The following PTPRD variants were observed in gnomAD, a reference collection of about 807,000 sequenced individuals.
PTPRD encodes receptor-type tyrosine-protein phosphatase delta.
Under a neutral mutation model 214.5 loss-of-function variants are expected in PTPRD, and 34 were observed. The ratio of observed to expected loss-of-function variants is 0.16; its 90% confidence interval spans 0.12 to 0.21. The LOEUF is 0.21. Ranked by LOEUF, PTPRD falls within the 10% of genes least tolerant of loss-of-function variation. The probability of loss-of-function intolerance (pLI) is 1.00; values close to 1 mark genes in which losing one functional copy is unlikely to be tolerated. For missense variants in PTPRD, 2,545 were observed against 2,398.7 expected (o/e 1.06, Z -1.27); for synonymous variants, 1,128 against 845.7 (o/e 1.33, Z -5.79).
At chr9:8,791,215 T>C (rs951208370) in intron 11 of PTPRD, among the ~76,000 whole-genome samples, 3 of 149,884 alleles carry the variant, frequency 2.0e-5, no homozygotes, top group Non-Finnish European at 3.0e-5. Context: ...GAGAAGACAA[T>C]TTTTTTTTTC....
At chr9:10,469,231 C>T (rs2099014408) in intron 2 of PTPRD, among the ~76,000 whole-genome samples, 1 of 152,132 alleles carries the variant, frequency 6.6e-6, no homozygotes, top group Non-Finnish European at 1.5e-5. Context: ...ACCCAGACAA[C>T]TTTCAGAATA....
At position 9,574,723 on chromosome 9, in the gene PTPRD, T is replaced by C. The variant is rs1368168267; in HGVS notation, c.-237+9A>G. 1 of 152,048 alleles carries C rather than the reference T, an allele frequency of 6.6e-6. No homozygotes were observed. The highest frequency in any genetic ancestry group is 2.1e-4 in the South Asian group (1 of 4,822). 9.4% of individuals were successfully genotyped at this position (152,048 alleles called of 1,614,324 possible). On this transcript the variant is annotated intron_variant, in intron 8 of 45. Coordinates refer to ENST00000381196, the MANE Select transcript of PTPRD (RefSeq NM_002839.4). ...ACTCTAAAATTAGGTAAATTAATTA[T>C]AATCTTACCGTAAGCTCACAGGTTA...
intron 10 of PTPRD, among the ~76,000 whole-genome samples, chr9:9,152,101 T>C (rs1231607950): frequency 2.0e-5 from 3 of 152,242 alleles, no homozygotes; most frequent in African/African-American, 4.8e-5. Flanking sequence ...ATCTTCTGTG[T>C]CATTGCATTG....
chr9:8,618,194 C>T (rs912438424), intron 14 of PTPRD, among the ~76,000 whole-genome samples: 5 of 151,918 alleles, frequency 3.3e-5, no homozygotes, highest in South Asian at 2.1e-4. Context: ...TTAAGACAGA[C>T]GCAAAAAGAA....
chr9:8,968,186 G>C (rs1488219181), intron 11 of PTPRD, among the ~76,000 whole-genome samples: 4 of 152,046 alleles, frequency 2.6e-5, no homozygotes, highest in Non-Finnish European at 5.9e-5. Flanking sequence ...CCAAGTCTTT[G>C]CTATTGTGAA....
At chr9:10,536,203 G>T (rs911457383) in intron 2 of PTPRD, among the ~76,000 whole-genome samples, 1 of 151,978 alleles carries the variant, frequency 6.6e-6, no homozygotes, top group African/African-American at 2.4e-5. Context: ...CACATATACA[G>T]GTGAATTATT....
chr9:10,102,757 A>G (rs1246925827), intron 3 of PTPRD, among the ~76,000 whole-genome samples: 1 of 151,662 alleles, frequency 6.6e-6, no homozygotes, highest in Non-Finnish European at 1.5e-5. Context: ...AAATGAGTAT[A>G]AAGAAAAATT....
chr9:9,213,066 A>G (rs2099949834), intron 9 of PTPRD, among the ~76,000 whole-genome samples: 1 of 152,200 alleles, frequency 6.6e-6, no homozygotes, highest in African/African-American at 2.4e-5. Flanking sequence ...TACTTATTAA[A>G]TGAAGTTGAA....
intron 3 of PTPRD, among the ~76,000 whole-genome samples, chr9:10,231,989 A>AGAGAGAGT (rs1245284728): frequency 8.6e-5 from 8 of 92,496 alleles, no homozygotes; most frequent in African/African-American, 2.6e-4. Context: ...AGAGAGAGAG[A>AGAGAGAGT]GTGTGTGTGT....
At chr9:8,921,525 A>T (rs2098827889) in intron 11 of PTPRD, among the ~76,000 whole-genome samples, 1 of 151,078 alleles carries the variant, frequency 6.6e-6, no homozygotes, top group Non-Finnish European at 1.5e-5. Flanking sequence ...ACAGAGTCTC[A>T]CTCTGTCGCC....
intron 4 of PTPRD, among the ~76,000 whole-genome samples, chr9:9,943,088 C>T (rs975203217): frequency 2.0e-5 from 3 of 152,068 alleles, no homozygotes; most frequent in Non-Finnish European, 2.9e-5. Flanking sequence ...TGTTAGCCTA[C>T]CCAAGTCTCC....
chr9:8,833,340 C>T (rs991304033), intron 11 of PTPRD, among the ~76,000 whole-genome samples: 1 of 151,852 alleles, frequency 6.6e-6, no homozygotes, highest in Non-Finnish European at 1.5e-5. Flanking sequence ...TTTTGATAAG[C>T]CTGATATATA....
chr9:10,138,420 C>CA (rs780544419), intron 3 of PTPRD, among the ~76,000 whole-genome samples: 1 of 151,610 alleles, frequency 6.6e-6, no homozygotes, highest in African/African-American at 2.4e-5. Context: ...CAAAACAAAA[C>CA]AAACAAACAA....
At chr9:8,701,085 C>A (rs1379514297) in intron 12 of PTPRD, among the ~76,000 whole-genome samples, 1 of 151,726 alleles carries the variant, frequency 6.6e-6, no homozygotes, top group African/African-American at 2.4e-5. Flanking sequence ...CACTTGAACC[C>A]GGGAGGTGGA....
At chr9:10,093,772 C>A (rs979900243) in intron 3 of PTPRD, among the ~76,000 whole-genome samples, 1 of 151,398 alleles carries the variant, frequency 6.6e-6, no homozygotes, top group East Asian at 1.9e-4. Context: ...AGAACAAAAT[C>A]GTGTCCTTTG....
chr9:9,998,472 G>A (rs2096224685), intron 4 of PTPRD, among the ~76,000 whole-genome samples: 1 of 151,830 alleles, frequency 6.6e-6, no homozygotes. Context: ...ACCTTAAGGG[G>A]CATCTCAAGA....
At chr9:9,125,918 C>G (rs911972940) in intron 10 of PTPRD, among the ~76,000 whole-genome samples, 1 of 152,054 alleles carries the variant, frequency 6.6e-6, no homozygotes, top group Non-Finnish European at 1.5e-5. Flanking sequence ...AGAAATGGAG[C>G]CAGCCAAGTG....
chr9:9,672,882 G>T (rs374930745), intron 7 of PTPRD, among the ~76,000 whole-genome samples: 8 of 152,194 alleles, frequency 5.3e-5, no homozygotes, highest in African/African-American at 1.7e-4. Flanking sequence ...TATGTAGATG[G>T]TAAAATGCAT....
chr9:9,643,907 A>G (rs183138839), intron 7 of PTPRD, among the ~76,000 whole-genome samples: 32 of 152,310 alleles, frequency 2.1e-4, no homozygotes, highest in African/African-American at 7.7e-4. Flanking sequence ...CCGCTAAAGA[A>G]TTATGTCAGT....
Sources: allele counts gnomAD v4.1 joint callset (sites outside exome capture counted in the v4.1 genomes callset), GRCh38; gene constraint gnomAD v4.1.1; transcripts MANE v1.5; gene names NCBI Gene and HGNC (gene_info 2026-07-23, HGNC 2026-07-21).